The following LIPJ variants were observed in gnomAD, a reference collection of about 807,000 sequenced individuals.
LIPJ encodes lipase family member J.
Under a neutral mutation model 39.8 loss-of-function variants are expected in LIPJ, and 33 were observed. The observed-to-expected ratio is 0.83, with a 90% CI of 0.63 to 1.11. LIPJ has a LOEUF of 1.11. Ranked by LOEUF, LIPJ falls within the 50% of genes least tolerant of loss-of-function variation. The probability of loss-of-function intolerance (pLI) is 0.00; values close to 1 mark genes in which losing one functional copy is unlikely to be tolerated. For missense variants in LIPJ, 422 were observed against 427.9 expected (o/e 0.99, Z 0.12); for synonymous variants, 128 against 139.2 (o/e 0.92, Z 0.57).
downstream of LIPJ, among the ~76,000 whole-genome samples, chr10:88,610,763 C>T (rs561770051): frequency 7.9e-5 from 12 of 152,176 alleles, no homozygotes; most frequent in Middle Eastern, 3.4e-3. Context: ...AACAAAGATG[C>T]TTAAGTAATT....
At chr10:88,603,028 G>A (rs927213030) in intron 9 of LIPJ, among the ~76,000 whole-genome samples, 15 of 152,094 alleles carry the variant, frequency 9.9e-5, no homozygotes, top group Admixed American at 2.0e-4. Flanking sequence ...GGAGGTGGAG[G>A]TTGCAATGAG....
At chr10:88,605,572 C>A in intron 9 of LIPJ, 61 bp from the exon 10 acceptor site, 1 of 1,171,182 alleles carries the variant, frequency 8.5e-7, no homozygotes, top group Non-Finnish European at 1.3e-6. Flanking sequence ...GCATGCTTAA[C>A]TTGCTCAGCT....
exon 5 of LIPJ, chr10:88,594,042 C>A (rs146346346): frequency 1.9e-6 from 3 of 1,612,118 alleles, no homozygotes; most frequent in Non-Finnish European, 2.5e-6. Flanking sequence ...TTCATTCTGG[C>A]AGATGCTGGT....
chr10:88,609,479 AT>A (rs1851724636), downstream of LIPJ, among the ~76,000 whole-genome samples: 1 of 152,256 alleles, frequency 6.6e-6, no homozygotes, highest in Non-Finnish European at 1.5e-5. Context: ...ACTCATGTTG[AT>A]ATTTAAAGAA....
chr10:88,620,924 T>C, the LIPJ span, among the ~76,000 whole-genome samples: 1 of 152,152 alleles, frequency 6.6e-6, no homozygotes, highest in Non-Finnish European at 1.5e-5. Context: ...TGGTTTCCTC[T>C]TGGGCATTTT....
At chr10:88,620,946 C>T in the LIPJ span, among the ~76,000 whole-genome samples, 1 of 152,184 alleles carries the variant, frequency 6.6e-6, no homozygotes, top group Middle Eastern at 3.4e-3. Flanking sequence ...TTACTGTGTC[C>T]TCGCATGGTG....
chr10:88,594,983 G>C (rs1301861691), intron 6 of LIPJ, among the ~76,000 whole-genome samples: 1 of 151,752 alleles, frequency 6.6e-6, no homozygotes, highest in African/African-American at 2.4e-5. Flanking sequence ...TGATTGTAAA[G>C]ACAAGGTTGG....
At chr10:88,591,680 A>G (rs1851085229) in intron 4 of LIPJ, 182 bp downstream of exon 4, 1 of 415,644 alleles carries the variant, frequency 2.4e-6, no homozygotes, top group East Asian at 4.1e-5. Flanking sequence ...CCTTCTGGTC[A>G]CAGAGAGGTT....
chr10:88,619,228 A>C, the LIPJ span, among the ~76,000 whole-genome samples: 4 of 131,344 alleles, frequency 3.0e-5, no homozygotes, highest in Non-Finnish European at 6.4e-5. Flanking sequence ...AAAAAAAAAA[A>C]GCTGTAACCC....
upstream of LIPJ, chr10:88,583,069 CCACCTGAG>C: frequency 1.2e-6 from 2 of 1,609,904 alleles, no homozygotes; most frequent in Non-Finnish European, 1.7e-6. Context: ...TTTAGACAAC[CCACCTGAG>C]TCCTCAGCCT....
chr10:88,608,588 C>T (rs1325466132), downstream of LIPJ, among the ~76,000 whole-genome samples: 1 of 152,160 alleles, frequency 6.6e-6, no homozygotes, highest in Non-Finnish European at 1.5e-5. Flanking sequence ...GAATTTACCA[C>T]ATAAAGACTA....
intron 9 of LIPJ, among the ~76,000 whole-genome samples, chr10:88,605,280 T>A (rs1851623329): frequency 6.6e-6 from 1 of 152,182 alleles, no homozygotes. Context: ...GCGGGTGTTA[T>A]CTTAGTCTCA....
chr10:88,583,194 G>A, upstream of LIPJ: 4 of 1,613,782 alleles, frequency 2.5e-6, no homozygotes, highest in Non-Finnish European at 3.4e-6. Context: ...GCGCCATGGC[G>A]AGAGGGAGCA....
At chr10:88,617,104 AAAC>A in the LIPJ span, among the ~76,000 whole-genome samples, 11 of 152,238 alleles carry the variant, frequency 7.2e-5, no homozygotes, top group Non-Finnish European at 8.8e-5. Flanking sequence ...AAACAAACAA[AAAC>A]CAGACTGCTG....
At chr10:88,613,770 G>GTGTATATATATATA in the LIPJ span, among the ~76,000 whole-genome samples, 1 of 75,514 alleles carries the variant, frequency 1.3e-5, no homozygotes, top group Non-Finnish European at 2.8e-5. Flanking sequence ...ATGTGTGTGT[G>GTGTATATATATATA]TATATATATA....
intron 8 of LIPJ, among the ~76,000 whole-genome samples, chr10:88,597,562 T>C (rs1392950770): frequency 2.0e-5 from 3 of 151,910 alleles, no homozygotes; most frequent in African/African-American, 7.2e-5. Flanking sequence ...TTGGTTCTTG[T>C]ACCTGGACCT....
chr10:88,608,738 T>TCC (rs1851715605), downstream of LIPJ, among the ~76,000 whole-genome samples: 1 of 152,194 alleles, frequency 6.6e-6, no homozygotes, highest in Non-Finnish European at 1.5e-5. Flanking sequence ...CTGAAATTAT[T>TCC]ATACAAATGA....
intron 7 of LIPJ, 40 bp downstream of exon 7, chr10:88,596,456 G>C (rs1590080487): frequency 2.8e-6 from 4 of 1,438,614 alleles, no homozygotes. Context: ...ATAACCCAAA[G>C]TGATAATTTT....
upstream of LIPJ, chr10:88,583,403 G>A: frequency 7.3e-7 from 1 of 1,372,340 alleles, no homozygotes; most frequent in Non-Finnish European, 9.4e-7. Flanking sequence ...AGCAAACCTG[G>A]GGCTGCGGAG....
Sources: allele counts gnomAD v4.1 joint callset (sites outside exome capture counted in the v4.1 genomes callset), GRCh38; gene constraint gnomAD v4.1.1; transcripts MANE v1.5; gene names NCBI Gene and HGNC (gene_info 2026-07-23, HGNC 2026-07-21).